Variants in DPYD observed in about 807,000 individuals in gnomAD.
The protein encoded by DPYD is dihydropyrimidine dehydrogenase [NADP(+)].
In DPYD, 109 loss-of-function variants were observed where a neutral mutation model predicts 116.2. That is an observed-to-expected ratio of 0.94 (90% CI 0.80 to 1.10). The LOEUF (loss-of-function observed/expected upper bound fraction) is 1.10, where lower values mean the gene tolerates loss of function less well. Among genes scored for constraint, DPYD ranks in the 50% least tolerant of loss-of-function variants. The pLI, the probability that DPYD is intolerant of heterozygous loss-of-function variation, is 0.00. For synonymous variants in DPYD, 440 were observed against 432.0 expected, an observed-to-expected ratio of 1.02 and a Z score of -0.23; for missense variants, 1,302 against 1,254.5, an observed-to-expected ratio of 1.04 and a Z score of -0.57.
chr1:97,317,416 G>A (rs1288367100), intron 16 of DPYD, among the ~76,000 whole-genome samples: 8 of 151,954 alleles, frequency 5.3e-5, no homozygotes, highest in Non-Finnish European at 7.4e-5. Context: ...AATATAGGCA[G>A]CTGCTTGCCC....
intron 14 of DPYD, among the ~76,000 whole-genome samples, chr1:97,393,544 T>C (rs997731328): frequency 5.9e-5 from 9 of 151,596 alleles, no homozygotes; most frequent in African/African-American, 1.9e-4. Flanking sequence ...ACATGCGGTG[T>C]TTGGTTTTCT....
At chr1:97,760,469 C>A (rs961218834) in intron 3 of DPYD, among the ~76,000 whole-genome samples, 3 of 151,830 alleles carry the variant, frequency 2.0e-5, no homozygotes, top group Admixed American at 6.6e-5. Flanking sequence ...TTTTAAGATA[C>A]AGTATAGCTA....
At chr1:97,492,720 T>C (rs1679039323) in intron 13 of DPYD, among the ~76,000 whole-genome samples, 1 of 152,092 alleles carries the variant, frequency 6.6e-6, no homozygotes, top group Non-Finnish European at 1.5e-5. Context: ...ATCCTGAAGA[T>C]AATAAACATT....
At chr1:97,325,444 G>A (rs1668662448) in intron 16 of DPYD, among the ~76,000 whole-genome samples, 1 of 151,940 alleles carries the variant, frequency 6.6e-6, no homozygotes, top group Non-Finnish European at 1.5e-5. Flanking sequence ...AATAATTTGT[G>A]GGAATACTGA....
At chr1:97,906,728 A>C (rs1267529784) in intron 1 of DPYD, among the ~76,000 whole-genome samples, 1 of 152,040 alleles carries the variant, frequency 6.6e-6, no homozygotes, top group African/African-American at 2.4e-5. Context: ...CTTCTCATGA[A>C]CTGTAACTTT....
rs183697744 is a variant in DPYD, at chr1:97,617,609, A to G, written c.851-22443T>C. Among the ~76,000 whole-genome samples, 43 of 152,262 alleles carry G rather than the reference A, an allele frequency of 2.8e-4. 1 individual carries two copies. The highest frequency in any genetic ancestry group is 2.1e-3 in the Admixed American group (32 of 15,288). On this transcript the variant is annotated intron_variant, in intron 8 of 22. Coordinates refer to ENST00000370192, the MANE Select transcript of DPYD (RefSeq NM_000110.4). ...CTCCTATGAACTAGGGATACCTACA[A>G]AATATTTGCAGGGAGATTCTATCTC...
chr1:97,100,146 C>T (rs1650559578), intron 20 of DPYD, among the ~76,000 whole-genome samples: 1 of 151,940 alleles, frequency 6.6e-6, no homozygotes, highest in Non-Finnish European at 1.5e-5. Context: ...ATCCATTTTG[C>T]TATAAAACAA....
chr1:97,435,590 T>C lies in DPYD; in HGVS notation c.1905+14469A>G, dbSNP rs543676783. The stretch of plus-strand genomic sequence containing the variant: ...GATCACAGATATAGTTTAAACTGAA[T>C]CAATTATCTAATCAAAAATAACAAT... On this transcript the variant is annotated intron_variant, in intron 14 of 22. Transcript: ENST00000370192. Among the ~76,000 whole-genome samples, 7 of 152,008 alleles carry C rather than the reference T, an allele frequency of 4.6e-5. No individual in the cohort carries two copies. The East Asian group carries it at 1.4e-3, about 29-fold the overall frequency.
chr1:97,473,316 T>C lies in DPYD; in HGVS notation c.1741-23093A>G, dbSNP rs371049275. Reference sequence around the variant, plus strand: ...GCCCCAAATGTCAGGATTTCCTTCTTTTATGGCAGAATAATATTCCATGTG... The same window carrying C: ...GCCCCAAATGTCAGGATTTCCTTCTCTTATGGCAGAATAATATTCCATGTG... On this transcript the variant is annotated intron_variant, in intron 13 of 22. Coordinates refer to ENST00000370192, the MANE Select transcript of DPYD (RefSeq NM_000110.4). Among the ~76,000 whole-genome samples the C allele has an allele frequency of 9.2e-5, 14 of 152,370 alleles. No homozygotes were observed. The South Asian group carries it at 2.7e-3, about 29-fold the overall frequency.
chr1:97,663,542 G>T (rs1471486537), intron 8 of DPYD, among the ~76,000 whole-genome samples: 1 of 152,020 alleles, frequency 6.6e-6, no homozygotes, highest in Non-Finnish European at 1.5e-5. Context: ...TATTCCAATA[G>T]CCACAATGTA....
chr1:97,258,907 T>A (rs1175174452), intron 18 of DPYD, among the ~76,000 whole-genome samples: 4 of 152,140 alleles, frequency 2.6e-5, no homozygotes, highest in Non-Finnish European at 5.9e-5. Flanking sequence ...GAAAATGACA[T>A]AAAAGATTTC....
intron 1 of DPYD, among the ~76,000 whole-genome samples, chr1:97,887,021 G>C (rs1672530388): frequency 6.6e-6 from 1 of 152,054 alleles, no homozygotes. Flanking sequence ...ATCTGGGTGT[G>C]ACATTACTAC....
intron 20 of DPYD, among the ~76,000 whole-genome samples, chr1:97,168,968 T>A (rs1480978817): frequency 6.6e-6 from 1 of 151,856 alleles, no homozygotes; most frequent in Non-Finnish European, 1.5e-5. Context: ...TGCCTCAGTC[T>A]CTTGGGTAGC....
Position 97,450,164 on chromosome 1 carries a change from A to G in DPYD, c.1800T>C (p.Tyr600=). 1 of 1,613,964 alleles carries G rather than the reference A, an allele frequency of 6.2e-7. No individual in the cohort carries two copies. The highest frequency in any genetic ancestry group is 1.1e-5 in the South Asian group (1 of 91,080). ...IIRGTTSGPM[Y]GPGQSSFLNI... Reference sequence around the variant, plus strand: ...TCAGAAAGGAGCTTTGTCCAGGGCCATACATGGGGCCAGAGGTGGTTCCCC... The same window carrying G: ...TCAGAAAGGAGCTTTGTCCAGGGCCGTACATGGGGCCAGAGGTGGTTCCCC... Residue 600 remains tyrosine (Y), a synonymous_variant, in exon 14 of 23, where the codon TAT becomes TAC. Transcript: ENST00000370192.
At chr1:97,915,250 CAAT>C (rs1674156444) in intron 1 of DPYD, among the ~76,000 whole-genome samples, 1 of 152,056 alleles carries the variant, frequency 6.6e-6, no homozygotes, top group African/African-American at 2.4e-5. Context: ...TGTTTAAATA[CAAT>C]GTTTTCTTTT....
At chr1:97,441,962 G>C (rs1257416747) in intron 14 of DPYD, among the ~76,000 whole-genome samples, 2 of 152,184 alleles carry the variant, frequency 1.3e-5, no homozygotes, top group East Asian at 1.9e-4. Flanking sequence ...TCTATTCAAT[G>C]CTTGTGGTCA....
intron 20 of DPYD, among the ~76,000 whole-genome samples, chr1:97,151,779 A>T (rs1385085794): frequency 6.6e-6 from 1 of 152,208 alleles, no homozygotes; most frequent in African/African-American, 2.4e-5. Flanking sequence ...TACAGACAGA[A>T]TCCAAATCTT....
chr1:97,919,694 A>T (rs1433133212), intron 1 of DPYD, among the ~76,000 whole-genome samples: 1 of 152,226 alleles, frequency 6.6e-6, no homozygotes, highest in Non-Finnish European at 1.5e-5. Flanking sequence ...CAGATGAACA[A>T]CTATTTGTTA....
intron 21 of DPYD, among the ~76,000 whole-genome samples, chr1:97,085,507 G>T (rs1649450938): frequency 6.6e-6 from 1 of 152,114 alleles, no homozygotes; most frequent in Non-Finnish European, 1.5e-5. Context: ...AATTTTTTAA[G>T]AAAATTATAT....
Sources: gnomAD v4.1 joint callset for allele counts (sites outside exome capture counted in the v4.1 genomes callset) on GRCh38, gnomAD v4.1.1 for gene constraint, MANE v1.5 for transcripts, NCBI Gene and HGNC (gene_info 2026-07-23, HGNC 2026-07-21) for gene names.